Variants in FCHSD2 observed in about 807,000 individuals in gnomAD.
FCHSD2 encodes FCH and double SH3 domains 2.
A neutral mutation model predicts 108.1 loss-of-function variants in FCHSD2; 38 were observed. The ratio of observed to expected loss-of-function variants is 0.35; its 90% CI spans 0.27 to 0.46. The LOEUF is 0.46. Among genes scored for constraint, FCHSD2 ranks in the 20% least tolerant of loss-of-function variants. The probability of loss-of-function intolerance (pLI) is 1.00; values close to 1 mark genes in which losing one functional copy is unlikely to be tolerated. For missense variants in FCHSD2, 751 were observed against 897.8 expected (o/e 0.84, Z 2.09); for synonymous variants, 279 against 314.7 (o/e 0.89, Z 1.20).
chr11:72,917,890 A>G (rs947921364), intron 9 of FCHSD2, among the ~76,000 whole-genome samples: 7 of 151,916 alleles, frequency 4.6e-5, no homozygotes, highest in Non-Finnish European at 8.8e-5. Context: ...CTTGTCTCAA[A>G]TTAAAAAAAA....
intron 5 of FCHSD2, 144 bp downstream of exon 5, chr11:73,000,846 T>C (rs1477782845): frequency 4.0e-5 from 27 of 669,652 alleles, no homozygotes; most frequent in Admixed American, 1.3e-4. Context: ...TGAGAACATG[T>C]TGAAATCAGA....
intron 8 of FCHSD2, among the ~76,000 whole-genome samples, chr11:72,964,325 C>T (rs144757924): frequency 2.0e-5 from 3 of 152,190 alleles, no homozygotes; most frequent in African/African-American, 7.2e-5. Context: ...TGGCTCTTCC[C>T]TTTGCTTAAG....
At chr11:72,864,825 G>A (rs1854687411) in intron 13 of FCHSD2, among the ~76,000 whole-genome samples, 1 of 152,176 alleles carries the variant, frequency 6.6e-6, no homozygotes, top group African/African-American at 2.4e-5. Flanking sequence ...GAGAAGGGAG[G>A]CTGAGTGACA....
chr11:72,940,541 A>C, intron 8 of FCHSD2: 15 of 925,640 alleles, frequency 1.6e-5, no homozygotes, highest in Non-Finnish European at 2.5e-5. Flanking sequence ...AGAAAGAAGT[A>C]GTCTCATGTC....
chr11:73,110,677 C>T (rs144955525), intron 2 of FCHSD2, among the ~76,000 whole-genome samples: 14 of 152,016 alleles, frequency 9.2e-5, no homozygotes, highest in African/African-American at 2.7e-4. Context: ...ATTTCTGCTC[C>T]GATCTTTATT....
chr11:73,082,288 G>A (rs1478626293), intron 3 of FCHSD2, among the ~76,000 whole-genome samples: 1 of 120,524 alleles, frequency 8.3e-6, no homozygotes, highest in Non-Finnish European at 1.6e-5. Flanking sequence ...AGTGAGCCGA[G>A]ATCGCACCAC....
intron 3 of FCHSD2, among the ~76,000 whole-genome samples, chr11:73,028,853 CT>C (rs1420299537): frequency 6.6e-6 from 1 of 152,166 alleles, no homozygotes; most frequent in Non-Finnish European, 1.5e-5. Flanking sequence ...CTCTCCGTCT[CT>C]CCTGCCACCA....
chr11:72,842,196 T>C (rs1860977618), intron 17 of FCHSD2, among the ~76,000 whole-genome samples: 1 of 152,182 alleles, frequency 6.6e-6, no homozygotes, highest in Non-Finnish European at 1.5e-5. Flanking sequence ...GGCTCATTAA[T>C]TCTCTGAAAT....
At chr11:72,924,839 A>G (rs1856046134) in intron 8 of FCHSD2, among the ~76,000 whole-genome samples, 1 of 152,180 alleles carries the variant, frequency 6.6e-6, no homozygotes, top group Non-Finnish European at 1.5e-5. Flanking sequence ...ATTATGTAAC[A>G]TAACCAGAGA....
chr11:73,018,125 T>C (rs1315455422), intron 3 of FCHSD2, among the ~76,000 whole-genome samples: 1 of 152,212 alleles, frequency 6.6e-6, no homozygotes, highest in African/African-American at 2.4e-5. Context: ...CTTCTGATGC[T>C]CAAATTGTCA....
chr11:72,941,471 TCCCAACTCTA>T (rs1856417420), intron 8 of FCHSD2, among the ~76,000 whole-genome samples: 1 of 151,770 alleles, frequency 6.6e-6, no homozygotes, highest in Non-Finnish European at 1.5e-5. Flanking sequence ...AAATATAGAC[TCCCAACTCTA>T]TTAATATATT....
intron 3 of FCHSD2, among the ~76,000 whole-genome samples, chr11:73,041,852 T>C (rs1294506209): frequency 6.6e-6 from 1 of 152,188 alleles, no homozygotes; most frequent in Non-Finnish European, 1.5e-5. Context: ...TCCTGGAGTA[T>C]TTCCTCTATG....
At chr11:72,880,188 A>G (rs982548710) in intron 12 of FCHSD2, among the ~76,000 whole-genome samples, 1 of 152,122 alleles carries the variant, frequency 6.6e-6, no homozygotes, top group African/African-American at 2.4e-5. Flanking sequence ...AACACTGATG[A>G]AAGAAATTGA....
intron 2 of FCHSD2, among the ~76,000 whole-genome samples, chr11:73,085,623 G>GCA (rs1440481071): frequency 6.6e-6 from 1 of 152,016 alleles, no homozygotes; most frequent in Non-Finnish European, 1.5e-5. Flanking sequence ...ACGGGAAGGT[G>GCA]CAGGTTCACA....
At chr11:72,905,292 T>C (rs889643036) in intron 9 of FCHSD2, among the ~76,000 whole-genome samples, 1 of 152,174 alleles carries the variant, frequency 6.6e-6, no homozygotes, top group Non-Finnish European at 1.5e-5. Flanking sequence ...TTAATCTCTG[T>C]GGGTATATAG....
At chr11:72,984,398 GA>G (rs1857273647) in intron 7 of FCHSD2, among the ~76,000 whole-genome samples, 182 bp from the exon 8 acceptor site, 1 of 152,104 alleles carries the variant, frequency 6.6e-6, no homozygotes, top group Admixed American at 6.6e-5. Flanking sequence ...ACAGTGACTA[GA>G]ACTGTTATAC....
chr11:73,056,449 A>G (rs1371270156), intron 3 of FCHSD2, among the ~76,000 whole-genome samples: 2 of 152,206 alleles, frequency 1.3e-5, no homozygotes. Context: ...GTCTCCCTAG[A>G]TTCTAAAAGT....
rs550338449 is a variant in FCHSD2, at chr11:72,940,721, T to C, written c.706-18771A>G. 138 of 932,516 alleles carry C rather than the reference T, an allele frequency of 1.5e-4. 2 individuals carry two copies. The South Asian group carries it at 1.8e-3, about 12-fold the overall frequency. 57.8% of individuals were successfully genotyped at this position (932,516 alleles called of 1,614,324 possible). On this transcript the variant is annotated intron_variant, in intron 8 of 19. Coordinates refer to ENST00000409418, the MANE Select transcript of FCHSD2 (RefSeq NM_014824.3). ...CACCGTGGTGGCAGAAAACGCCCAG[T>C]TCCTAAGGGTGCAACTAATGGCAAG... is the stretch of plus-strand genomic sequence containing the variant.
chr11:73,117,998 C>G (rs1275063508), intron 2 of FCHSD2, among the ~76,000 whole-genome samples: 1 of 152,050 alleles, frequency 6.6e-6, no homozygotes, highest in Non-Finnish European at 1.5e-5. Context: ...AATGTACATA[C>G]CTATGAAACC....
Sources: allele counts gnomAD v4.1 joint callset (sites outside exome capture counted in the v4.1 genomes callset), GRCh38; gene constraint gnomAD v4.1.1; transcripts MANE v1.5; gene names NCBI Gene and HGNC (gene_info 2026-07-23, HGNC 2026-07-21).